The following EPHA6 variants were observed in gnomAD, a reference collection of about 807,000 sequenced individuals.
EPHA6 encodes the protein EPH receptor A6.
A neutral mutation model predicts 112.0 loss-of-function variants in EPHA6; 50 were observed. The observed-to-expected ratio is 0.45, with a 90% CI of 0.36 to 0.56. The LOEUF is 0.56. Among genes scored for constraint, EPHA6 ranks in the 20% least tolerant of loss-of-function variants. EPHA6 has a pLI of 0.00. For synonymous variants in EPHA6, 529 were observed against 490.7 expected (o/e 1.08, Z -1.03); for missense variants, 1,280 against 1,417.4 (o/e 0.90, Z 1.56).
chr3:97,135,788 G>A (rs2075753667), intron 3 of EPHA6, among the ~76,000 whole-genome samples: 3 of 148,776 alleles, frequency 2.0e-5, no homozygotes, highest in Non-Finnish European at 4.4e-5. Flanking sequence ...GGCTATGTAA[G>A]TAAGTAAACT....
chr3:97,738,318 A>G (rs747925038), intron 16 of EPHA6, among the ~76,000 whole-genome samples: 1 of 152,038 alleles, frequency 6.6e-6, no homozygotes, highest in African/African-American at 2.4e-5. Context: ...GGAAGAGGAT[A>G]CTGGCATCTA....
In EPHA6 at chr3:96,889,694, A is replaced by C. The variant is rs1245332591; in HGVS notation, c.450+22805A>C. 3.1e-4 allele frequency among the ~76,000 whole-genome samples: 47 copies of C among 152,218 alleles called. 2 individuals are homozygous for C. Among genetic ancestry groups the C allele is most frequent in the Admixed American group, 3.1e-3 (47 of 15,276 alleles). ...GAGGCAAACAATATCAGTCACTTCC[A>C]AAATTGTATGCAAATTCAAAGAATA... On this transcript the variant is annotated intron_variant, in intron 2 of 17. Coordinates refer to ENST00000389672, the MANE Select transcript of EPHA6 (RefSeq NM_001080448.3).
chr3:97,208,100 T>A (rs1374234712), intron 3 of EPHA6, among the ~76,000 whole-genome samples: 1 of 152,128 alleles, frequency 6.6e-6, no homozygotes, highest in Non-Finnish European at 1.5e-5. Context: ...AAGTTCTGAA[T>A]CTCGAGTGTC....
chr3:96,982,877 C>G (rs550718531), intron 2 of EPHA6, among the ~76,000 whole-genome samples: 25 of 152,054 alleles, frequency 1.6e-4, no homozygotes, highest in African/African-American at 6.0e-4. Flanking sequence ...GGATTGCAAC[C>G]CCTGCCTTTT....
chr3:97,009,903 G>C (rs374038355), intron 3 of EPHA6: 1 of 452,750 alleles, frequency 2.2e-6, no homozygotes, highest in Non-Finnish European at 4.3e-6. Context: ...TCTCTCCATG[G>C]GTCATGCTAG....
chr3:97,129,534 A>C (rs187253164), intron 3 of EPHA6, among the ~76,000 whole-genome samples: 5 of 151,462 alleles, frequency 3.3e-5, no homozygotes, highest in South Asian at 2.1e-4. Context: ...AAAAAACAAC[A>C]AAAAAAAGTA....
intron 10 of EPHA6, among the ~76,000 whole-genome samples, chr3:97,488,168 T>A (rs2091746622): frequency 1.3e-5 from 2 of 152,198 alleles, no homozygotes; most frequent in Admixed American, 1.3e-4. Flanking sequence ...CTTGTCTCAA[T>A]GGAAATACAT....
intron 5 of EPHA6, among the ~76,000 whole-genome samples, chr3:97,268,941 A>AAAATTTTC (rs2079788357): frequency 6.6e-6 from 1 of 152,226 alleles, no homozygotes; most frequent in African/African-American, 2.4e-5. Context: ...TTAGGAAAAT[A>AAAATTTTC]AAATTGAACT....
chr3:96,933,610 G>C (rs1203997860), intron 2 of EPHA6, among the ~76,000 whole-genome samples: 2 of 152,104 alleles, frequency 1.3e-5, no homozygotes, highest in African/African-American at 2.4e-5. Context: ...CACCTTGTAA[G>C]AAGTGGGAAA....
At chr3:97,603,720 A>G (rs1013451503) in intron 12 of EPHA6, among the ~76,000 whole-genome samples, 2 of 151,958 alleles carry the variant, frequency 1.3e-5, no homozygotes, top group Non-Finnish European at 2.9e-5. Flanking sequence ...ATTGTTAAGA[A>G]ATTATATGTT....
intron 11 of EPHA6, among the ~76,000 whole-genome samples, chr3:97,567,618 A>C: frequency 6.6e-6 from 1 of 152,230 alleles, no homozygotes; most frequent in East Asian, 1.9e-4. Flanking sequence ...AAATAAGAAT[A>C]AAAGAGAGAG....
chr3:97,623,545 A>G (rs1420494386), intron 13 of EPHA6, among the ~76,000 whole-genome samples: 1 of 151,724 alleles, frequency 6.6e-6, no homozygotes, highest in Non-Finnish European at 1.5e-5. Flanking sequence ...TATCCTTCTA[A>G]GATGGCATTT....
At chr3:97,581,092 C>A (rs1341395638) in intron 11 of EPHA6, among the ~76,000 whole-genome samples, 1 of 152,194 alleles carries the variant, frequency 6.6e-6, no homozygotes, top group Non-Finnish European at 1.5e-5. Flanking sequence ...AATTGCTCCA[C>A]CCTCAAGATC....
intron 6 of EPHA6, among the ~76,000 whole-genome samples, chr3:97,432,155 G>A (rs912057865): frequency 6.6e-6 from 1 of 152,080 alleles, no homozygotes; most frequent in South Asian, 2.1e-4. Context: ...GAATTTTGCT[G>A]ACTTATCCTA....
Position 96,825,265 on chromosome 3 carries a change from C to CT in EPHA6, c.385+10267dup, listed in dbSNP as rs34848912. ...CTTTTAAATAAGTGATGTGACTTGGCTTTTTTTTTTAAAGCTTTATCTTAC... is the reference window on the plus strand; with the variant it reads ...CTTTTAAATAAGTGATGTGACTTGGCTTTTTTTTTTTAAAGCTTTATCTTAC... On this transcript the variant is annotated intron_variant, in intron 1 of 17. Coordinates refer to ENST00000389672, the MANE Select transcript of EPHA6 (RefSeq NM_001080448.3). Among the ~76,000 whole-genome samples the CT allele has an allele frequency of 2.7e-4, 39 of 144,362 alleles. 1 individual carries two copies. The highest frequency in any genetic ancestry group is 9.0e-4 in the Admixed American group (13 of 14,424). 94.7% of individuals were successfully genotyped at this position (144,362 alleles called of 152,430 possible).
chr3:97,519,903 G>A (rs1350631945), intron 10 of EPHA6, among the ~76,000 whole-genome samples: 1 of 150,672 alleles, frequency 6.6e-6, no homozygotes, highest in Non-Finnish European at 1.5e-5. Flanking sequence ...GGTATTTTTG[G>A]ATATAAGATT....
At chr3:97,176,014 A>G (rs79032641) in intron 3 of EPHA6, among the ~76,000 whole-genome samples, 2,168 of 151,918 alleles carry the variant, frequency 0.014, 65 homozygotes, top group African/African-American at 0.05. Context: ...CTTTCTGCCC[A>G]TTCAGTATGA....
In EPHA6 at chr3:96,923,410, C is replaced by A. The variant is rs117456956; in HGVS notation, c.450+56521C>A. On this transcript the variant is annotated intron_variant, in intron 2 of 17. Transcript: ENST00000389672. ...ATCATTGATGTTGAAAAGTTTTTTA[C>A]ATATAGTTGTTGACTGCATGCATGT... is the stretch of plus-strand genomic sequence containing the variant. Among the ~76,000 whole-genome samples, 69 of 151,986 alleles carry A rather than the reference C, an allele frequency of 4.5e-4. No individual in the cohort carries two copies. In the East Asian group the frequency reaches 9.3e-3, roughly 20 times the overall value.
chr3:97,142,849 T>C (rs1041802311), intron 3 of EPHA6, among the ~76,000 whole-genome samples: 2 of 151,786 alleles, frequency 1.3e-5, no homozygotes, highest in Admixed American at 1.3e-4. Context: ...ATAAAAGCCA[T>C]CTATGATGAA....
Sources: gnomAD v4.1 joint callset for allele counts (sites outside exome capture counted in the v4.1 genomes callset) on GRCh38, gnomAD v4.1.1 for gene constraint, MANE v1.5 for transcripts, NCBI Gene and HGNC (gene_info 2026-07-23, HGNC 2026-07-21) for gene names.